Variants in STEAP4 observed in about 807,000 individuals in gnomAD.
STEAP4 encodes the protein metalloreductase STEAP4.
STEAP4 carries 36 observed loss-of-function variants against 43.6 expected under a neutral mutation model. That is an observed-to-expected ratio of 0.83 (90% CI 0.63 to 1.09). The LOEUF (loss-of-function observed/expected upper bound fraction) is 1.09, where lower values mean the gene tolerates loss of function less well. Ranked by LOEUF, STEAP4 falls within the 50% of genes least tolerant of loss-of-function variation. STEAP4 has a pLI of 0.00. For missense variants in STEAP4, 495 were observed against 546.5 expected, an observed-to-expected ratio of 0.91 and a Z score of 0.94; for synonymous variants, 191 against 196.7, an observed-to-expected ratio of 0.97 and a Z score of 0.24.
Position 88,271,484 on chromosome 7 carries a change from G to A in STEAP4, c.*7914C>T, listed in dbSNP as rs1450861668. On this transcript the variant is annotated 3_prime_UTR_variant, in exon 5 of 5. Coordinates refer to ENST00000380079, the MANE Select transcript of STEAP4 (RefSeq NM_024636.4). Reference sequence around the variant, plus strand: ...TCTTTCCATATATGTGAAAGAAGGTGTCTTGGTTTGTTTTAAACAGCTGCA... The same window carrying A: ...TCTTTCCATATATGTGAAAGAAGGTATCTTGGTTTGTTTTAAACAGCTGCA... The A allele has an allele frequency of 1.3e-5, 2 of 152,196 alleles. No individual in the cohort carries two copies. The highest frequency in any genetic ancestry group is 2.9e-5 in the Non-Finnish European group (2 of 68,034). 9.4% of individuals were successfully genotyped at this position (152,196 alleles called of 1,614,324 possible). A position where few individuals can be genotyped will look rare whatever the true frequency, so the allele number is the denominator to read the frequency against.
At chr7:88,288,405 G>A (rs1174255114) in intron 1 of STEAP4, among the ~76,000 whole-genome samples, 1 of 152,110 alleles carries the variant, frequency 6.6e-6, no homozygotes, top group Non-Finnish European at 1.5e-5. Context: ...CCTGATGTCA[G>A]GTGATCCGCC....
At position 88,278,548 on chromosome 7, in the gene STEAP4, C is replaced by A. The variant is rs574317182; in HGVS notation, c.*850G>T. On this transcript the variant is annotated 3_prime_UTR_variant, in exon 5 of 5. Transcript: ENST00000380079. The stretch of plus-strand genomic sequence containing the variant: ...AAATAATACTTAACCTAATATAGTG[C>A]AATTTTACAATATTTATTTAGCTTG... The A allele has an allele frequency of 6.6e-6, 1 of 152,254 alleles. No homozygotes were observed. Among genetic ancestry groups the A allele is most frequent in the African/African-American group, 2.4e-5 (1 of 41,566 alleles). 9.4% of individuals were successfully genotyped at this position (152,254 alleles called of 1,614,324 possible). A position where few individuals can be genotyped will look rare whatever the true frequency, so the allele number is the denominator to read the frequency against.
In STEAP4 at chr7:88,279,437, T is replaced by G. The variant is rs575002818; in HGVS notation, c.1341A>C (p.Thr447=). 12 of 1,614,150 alleles carry G rather than the reference T, an allele frequency of 7.4e-6. No individual in the cohort carries two copies. In the Admixed American group the frequency reaches 1.2e-4, roughly 16 times the overall value. ...LIMPCVDNTL[T]RIRQGWERNS... ...TCCTTTCCCAGCCCTGGCGGATCCT[T>G]GTAAGGGTGTTGTCTACACATGGCA... The change falls in exon 5 of 5, where the codon ACA becomes ACC. Residue 447 remains threonine (T), a synonymous_variant. Coordinates refer to ENST00000380079, the MANE Select transcript of STEAP4 (RefSeq NM_024636.4).
Position 88,270,977 on chromosome 7 carries a change from A to G in STEAP4, c.*8421T>C, listed in dbSNP as rs1224149052. 1 of 152,186 alleles carries G rather than the reference A, an allele frequency of 6.6e-6. No individual in the cohort carries two copies. Among genetic ancestry groups the G allele is most frequent in the Non-Finnish European group, 1.5e-5 (1 of 68,000 alleles). The allele number at this position is 152,186 out of a possible 1,614,324, so 9.4% of individuals were successfully genotyped here. A position where few individuals can be genotyped will look rare whatever the true frequency, so the allele number is the denominator to read the frequency against. On this transcript the variant is annotated 3_prime_UTR_variant, in exon 5 of 5. Coordinates refer to ENST00000380079, the MANE Select transcript of STEAP4 (RefSeq NM_024636.4). ...TTATGGGGTACATAGTGACATTGCAATACACAAAATATACAGTGATCAGAT... is the reference window on the plus strand; with the variant it reads ...TTATGGGGTACATAGTGACATTGCAGTACACAAAATATACAGTGATCAGAT...
At position 88,282,928 on chromosome 7, in the gene STEAP4, CT is replaced by C; in HGVS notation, c.696del (p.Asp233IlefsTer17). ...DVIYPYVYEKKDNTFRMAISI... is the reference protein window; with the variant it reads ...DVIYPYVYEKXDNTFRMAISI... ...GAAATAGCCATACGAAATGTATTAT[CT>C]TTCTTTTCATAAACATAAGGGTAGA... is the stretch of plus-strand genomic sequence containing the variant. On this transcript the variant is annotated frameshift_variant, in exon 3 of 5. Transcript: ENST00000380079. LOFTEE classifies it high-confidence loss of function. The C allele has an allele frequency of 6.2e-7, 1 of 1,614,118 alleles. No individual in the cohort carries two copies. The highest frequency in any genetic ancestry group is 8.5e-7 in the Non-Finnish European group (1 of 1,180,010).
At chr7:88,295,773 C>G (rs1037994662) in intron 1 of STEAP4, among the ~76,000 whole-genome samples, 3 of 152,134 alleles carry the variant, frequency 2.0e-5, no homozygotes, top group African/African-American at 7.2e-5. Context: ...TTTGGAGAAC[C>G]ACTGGAGGTG....
At chr7:88,292,875 C>G (rs7810472) in intron 1 of STEAP4, 1 of 152,022 alleles carries the variant, frequency 6.6e-6, no homozygotes, top group African/African-American at 2.4e-5. Flanking sequence ...TATTGCCGAG[C>G]GGTATTCTAC....
At chr7:88,305,038 A>T (rs1419578105) in intron 1 of STEAP4, among the ~76,000 whole-genome samples, 1 of 152,192 alleles carries the variant, frequency 6.6e-6, no homozygotes, top group Non-Finnish European at 1.5e-5. Context: ...AACAATCTTA[A>T]AAAGTCTGTT....
In STEAP4 at chr7:88,271,771, C is replaced by T. The variant is rs1174659850; in HGVS notation, c.*7627G>A. The T allele has an allele frequency of 1.3e-5, 2 of 152,160 alleles. No individual in the cohort carries two copies. The highest frequency in any genetic ancestry group is 2.9e-5 in the Non-Finnish European group (2 of 68,026). The allele number at this position is 152,160 out of a possible 1,614,324, so 9.4% of individuals were successfully genotyped here. On this transcript the variant is annotated 3_prime_UTR_variant, in exon 5 of 5. Coordinates refer to ENST00000380079, the MANE Select transcript of STEAP4 (RefSeq NM_024636.4). ...CTAACTGCTCTCCACAGGAGCGGTC[C>T]TAATCTGCATATCCAAGAGCAATGT... is the stretch of plus-strand genomic sequence containing the variant.
chr7:88,284,944 A>G (rs1852702507), intron 1 of STEAP4, among the ~76,000 whole-genome samples: 1 of 152,166 alleles, frequency 6.6e-6, no homozygotes, highest in African/African-American at 2.4e-5. Flanking sequence ...ACATTAGTAG[A>G]AACATTTCCA....
At chr7:88,281,139 GCC>G in intron 3 of STEAP4, 60 bp from the exon 4 acceptor site, 1 of 1,379,252 alleles carries the variant, frequency 7.3e-7, no homozygotes, top group Non-Finnish European at 9.5e-7. Context: ...TTTACAAACT[GCC>G]CACACTTTGA....
At chr7:88,303,508 A>AG (rs1387197421) in intron 1 of STEAP4, among the ~76,000 whole-genome samples, 1 of 151,880 alleles carries the variant, frequency 6.6e-6, no homozygotes, top group Non-Finnish European at 1.5e-5. Context: ...AAAAAAAAAA[A>AG]AAAAGTCCTC....
chr7:88,280,884 G>T, intron 4 of STEAP4, 31 bp downstream of exon 4: 2 of 1,506,402 alleles, frequency 1.3e-6, no homozygotes, highest in Non-Finnish European at 1.8e-6. Context: ...GGAGCAAAAT[G>T]AAAAGTTAGG....
rs575578626 is a variant in STEAP4 at position 88,272,398 on chromosome 7, C to T, written c.*7000G>A. On this transcript the variant is annotated 3_prime_UTR_variant, in exon 5 of 5. Transcript: ENST00000380079. Reference sequence around the variant, plus strand: ...GCTCTGTCTACTTTACTACTCCATTCCCAGTATCTAATAATTTGATGATTT... The same window carrying T: ...GCTCTGTCTACTTTACTACTCCATTTCCAGTATCTAATAATTTGATGATTT... 1 of 152,184 alleles carries T rather than the reference C, an allele frequency of 6.6e-6. No individual in the cohort carries two copies. Among genetic ancestry groups the T allele is most frequent in the Non-Finnish European group, 1.5e-5 (1 of 68,044 alleles). The allele number at this position is 152,184 out of a possible 1,614,324, so 9.4% of individuals were successfully genotyped here.
chr7:88,304,224 T>G (rs1853089915), intron 1 of STEAP4: 1 of 152,084 alleles, frequency 6.6e-6, no homozygotes, highest in Non-Finnish European at 1.5e-5. Flanking sequence ...TTGGGAGATA[T>G]ACCTAATGCT....
rs1852651487 is a variant in STEAP4, at chr7:88,282,966, A to T, written c.659T>A (p.Ile220Lys). 6.2e-7 allele frequency: 1 copy of T among 1,613,560 alleles called. No homozygotes were observed. Among genetic ancestry groups the T allele is most frequent in the African/African-American group, 1.3e-5 (1 of 74,898 alleles). ...LCVFLFFYCV[I>K]RDVIYPYVYE... ...AACATAAGGGTAGATTACGTCTCTT[A>T]TAACACAATAGAAAAACAAGAAGAC... Residue 220 changes from isoleucine to lysine, a missense_variant, in exon 3 of 5, where the codon ATA becomes AAA. Coordinates refer to ENST00000380079, the MANE Select transcript of STEAP4 (RefSeq NM_024636.4).
intron 4 of STEAP4, among the ~76,000 whole-genome samples, chr7:88,280,474 G>A (rs1160803837): frequency 6.6e-6 from 1 of 152,212 alleles, no homozygotes; most frequent in African/African-American, 2.4e-5. Flanking sequence ...TTAAAGAGGG[G>A]TTGGTTGGTG....
intron 1 of STEAP4, among the ~76,000 whole-genome samples, chr7:88,287,294 G>A (rs144963810): frequency 6.6e-4 from 100 of 152,278 alleles, no homozygotes; most frequent in African/African-American, 2.3e-3. Flanking sequence ...GAACTAGGTG[G>A]CCACTTGGGT....
rs764034358 is a variant in STEAP4, at chr7:88,284,065, C to T, written c.205G>A (p.Glu69Lys). The change falls in exon 2 of 5, where the codon GAA becomes AAA. Residue 69 changes from glutamate to lysine, a missense_variant. Physicochemically the swap from Glu to Lys is moderately conservative, Grantham distance 56. Coordinates refer to ENST00000380079, the MANE Select transcript of STEAP4 (RefSeq NM_024636.4). ...PSGAEVLSYS[E>K]AAKKSGIIII... ...ATGATGCCAGACTTCTTGGCTGCTT[C>T]TGAATAGCTCAAGACTTCTGCACCA... The T allele has an allele frequency of 3.7e-6, 6 of 1,614,006 alleles. No homozygotes were observed. In the Admixed American group the frequency reaches 8.3e-5, roughly 22 times the overall value.
Sources: allele counts gnomAD v4.1 joint callset (sites outside exome capture counted in the v4.1 genomes callset), GRCh38; gene constraint gnomAD v4.1.1; transcripts MANE v1.5; gene names NCBI Gene and HGNC (gene_info 2026-07-23, HGNC 2026-07-21).